Variants in SLC28A1 observed in about 807,000 individuals in gnomAD.
SLC28A1 encodes the protein sodium/nucleoside cotransporter 1.
A neutral mutation model predicts 74.8 loss-of-function variants in SLC28A1; 64 were observed. That is an observed-to-expected ratio of 0.86 (90% CI 0.70 to 1.05). The LOEUF (loss-of-function observed/expected upper bound fraction) is 1.05, where lower values mean the gene tolerates loss of function less well. Among genes scored for constraint, SLC28A1 ranks in the 50% least tolerant of loss-of-function variants. The probability of loss-of-function intolerance (pLI) is 0.00; values close to 1 mark genes in which losing one functional copy is unlikely to be tolerated. For synonymous variants in SLC28A1, 359 were observed against 335.0 expected, an observed-to-expected ratio of 1.07 and a Z score of -0.78; for missense variants, 828 against 822.8, an observed-to-expected ratio of 1.01 and a Z score of -0.08.
the SLC28A1 span, among the ~76,000 whole-genome samples, chr15:84,960,228 CTTTTTTTT>C: frequency 2.2e-4 from 19 of 85,562 alleles, no homozygotes; most frequent in Admixed American, 5.0e-4. Flanking sequence ...TGCCTGCCTG[CTTTTTTTT>C]TTTTTTTTTT....
chr15:84,949,079 T>C (rs182120228), downstream of SLC28A1, among the ~76,000 whole-genome samples: 57 of 152,338 alleles, frequency 3.7e-4, no homozygotes, highest in Non-Finnish European at 6.0e-4. Context: ...TGACAATCCA[T>C]CAAGTATTTG....
intron 10 of SLC28A1, among the ~76,000 whole-genome samples, chr15:84,919,975 A>G (rs771386802): frequency 1.6e-4 from 25 of 152,166 alleles, no homozygotes; most frequent in Non-Finnish European, 3.5e-4. Flanking sequence ...AGGGATTGAA[A>G]CCATGCCCTC....
At chr15:84,932,673 C>G (rs1294261132) in intron 12 of SLC28A1, among the ~76,000 whole-genome samples, 1 of 152,182 alleles carries the variant, frequency 6.6e-6, no homozygotes, top group Non-Finnish European at 1.5e-5. Flanking sequence ...CATTTCATTT[C>G]AACTCTTAGG....
chr15:84,960,228 C>G, the SLC28A1 span, among the ~76,000 whole-genome samples: 1 of 85,572 alleles, frequency 1.2e-5, no homozygotes, highest in African/African-American at 5.8e-5. Flanking sequence ...TGCCTGCCTG[C>G]TTTTTTTTTT....
At chr15:84,899,213 C>A (rs1247465437) in intron 6 of SLC28A1, among the ~76,000 whole-genome samples, 1 of 152,066 alleles carries the variant, frequency 6.6e-6, no homozygotes, top group Non-Finnish European at 1.5e-5. Context: ...AGAATAAATG[C>A]TTCTCAGGCC....
downstream of SLC28A1, among the ~76,000 whole-genome samples, chr15:84,949,041 A>G (rs1460872733): frequency 2.0e-5 from 3 of 152,218 alleles, no homozygotes; most frequent in Non-Finnish European, 4.4e-5. Context: ...CTTAAAACTT[A>G]TAGAAATGGT....
intron 15 of SLC28A1, among the ~76,000 whole-genome samples, chr15:84,936,568 T>C (rs1364608086): frequency 6.6e-6 from 1 of 152,174 alleles, no homozygotes; most frequent in Non-Finnish European, 1.5e-5. Context: ...TCACCTTCAC[T>C]GTTAGTATAG....
rs745542402 is a variant in SLC28A1 at position 84,923,987 on chromosome 15, C to T, written c.960C>T (p.Thr320=). Residue 320 remains threonine, a splice_region_variant and synonymous_variant, in exon 12 of 19, where the codon ACC becomes ACT. Transcript: ENST00000394573. ...TCTGACATCTTTCCTGTTTGCAGAC[C>T]GAGGCTCCATTACTGATCCGGCCCT... The part of the protein sequence containing the change: ...SVAGNIFVSQ[T]EAPLLIRPYL... The T allele has an allele frequency of 4.2e-5, 68 of 1,613,892 alleles. No individual in the cohort carries two copies. The highest frequency in any genetic ancestry group is 2.6e-4 in the South Asian group (24 of 91,072).
the SLC28A1 span, among the ~76,000 whole-genome samples, chr15:84,970,081 T>C: frequency 6.6e-6 from 1 of 152,166 alleles, no homozygotes; most frequent in South Asian, 2.1e-4. Context: ...GTTGGTGAAT[T>C]TCAGCAGCTC....
intron 6 of SLC28A1, among the ~76,000 whole-genome samples, chr15:84,903,503 C>T (rs988237708): frequency 7.2e-5 from 11 of 152,202 alleles, no homozygotes; most frequent in African/African-American, 2.7e-4. Context: ...GTACCTGATG[C>T]CAAAACCTGA....
chr15:84,899,716 G>A (rs771536592), intron 6 of SLC28A1, among the ~76,000 whole-genome samples: 10 of 152,026 alleles, frequency 6.6e-5, no homozygotes, highest in South Asian at 6.2e-4. Context: ...TAATTTTTCA[G>A]ACATAAAAAG....
At chr15:84,943,047 G>T (rs112509668) in intron 15 of SLC28A1, among the ~76,000 whole-genome samples, 1 of 152,072 alleles carries the variant, frequency 6.6e-6, no homozygotes, top group African/African-American at 2.4e-5. Context: ...TTAGCCGGGC[G>T]TGGTGGCGGG....
At chr15:84,938,520 C>G (rs1972234876) in intron 15 of SLC28A1, 1 of 152,130 alleles carries the variant, frequency 6.6e-6, no homozygotes, top group Admixed American at 6.6e-5. Flanking sequence ...CCGAAGCAAG[C>G]ACTTCATGAT....
chr15:84,918,699 C>T (rs1205077236), intron 10 of SLC28A1, 95 bp downstream of exon 10: 2 of 930,752 alleles, frequency 2.1e-6, no homozygotes, highest in East Asian at 2.4e-5. Flanking sequence ...GAGCCCAAAC[C>T]TCCCCAGACA....
chr15:84,906,581 C>CT (rs1567140901), intron 8 of SLC28A1, among the ~76,000 whole-genome samples: 38 of 50,916 alleles, frequency 7.5e-4, no homozygotes, highest in Admixed American at 6.1e-3. Context: ...TTTCTTCCTT[C>CT]CTTCCTTCCT....
the SLC28A1 span, among the ~76,000 whole-genome samples, chr15:84,965,906 G>GT: frequency 2.3e-4 from 34 of 150,500 alleles, 1 homozygote; most frequent in African/African-American, 6.9e-4. Flanking sequence ...GGCGGGGAGG[G>GT]GGGGGAAATA....
At chr15:84,966,922 C>T in the SLC28A1 span, among the ~76,000 whole-genome samples, 1 of 152,080 alleles carries the variant, frequency 6.6e-6, no homozygotes, top group Non-Finnish European at 1.5e-5. Context: ...CAGGAACATG[C>T]CACCATGCCC....
intron 9 of SLC28A1, among the ~76,000 whole-genome samples, chr15:84,913,167 T>A (rs995897826): frequency 6.6e-6 from 1 of 152,192 alleles, no homozygotes; most frequent in Non-Finnish European, 1.5e-5. Context: ...CCTTCCACTT[T>A]CTGGCGGTGG....
chr15:84,895,781 T>TA (rs1450147542), intron 6 of SLC28A1: 32 of 1,180,354 alleles, frequency 2.7e-5, no homozygotes, highest in South Asian at 4.1e-5. Flanking sequence ...TTCTATGGCT[T>TA]AAAAAAAAGT....
Sources: allele counts gnomAD v4.1 joint callset (sites outside exome capture counted in the v4.1 genomes callset), GRCh38; gene constraint gnomAD v4.1.1; transcripts MANE v1.5; gene names NCBI Gene and HGNC (gene_info 2026-07-23, HGNC 2026-07-21).